SLC25A13: variants seen among roughly 807,000 people sequenced by gnomAD.
The protein encoded by SLC25A13 is solute carrier family 25 member 13.
Under a neutral mutation model 85.5 loss-of-function variants are expected in SLC25A13, and 70 were observed. That is an observed-to-expected ratio of 0.82 (90% CI 0.68 to 1.00). SLC25A13 has a LOEUF of 1.00. Among genes scored for constraint, SLC25A13 ranks in the 50% least tolerant of loss-of-function variants. The pLI is 0.00. For synonymous variants in SLC25A13, 259 were observed against 288.7 expected, an observed-to-expected ratio of 0.90 and a Z score of 1.04; for missense variants, 765 against 819.8, an observed-to-expected ratio of 0.93 and a Z score of 0.82.
chr7:96,157,455 G>A lies in SLC25A13; in HGVS notation c.1312-10759C>T, dbSNP rs577653270. ...TGCCATGTTACATAATGACTTCATT[G>A]TTGACACTTCTGGTTTGGCACAGGG... On this transcript the variant is annotated intron_variant, in intron 13 of 17. Transcript: ENST00000265631. Among the ~76,000 whole-genome samples the A allele has an allele frequency of 3.3e-5, 5 of 152,218 alleles. No homozygotes were observed. The South Asian group carries it at 1.0e-3, about 32-fold the overall frequency.
intron 13 of SLC25A13, among the ~76,000 whole-genome samples, chr7:96,148,462 G>A (rs540426798): frequency 2.1e-4 from 32 of 152,270 alleles, no homozygotes; most frequent in African/African-American, 6.7e-4. Flanking sequence ...AGCTATTTAC[G>A]GTTGGCAGAA....
intron 3 of SLC25A13, among the ~76,000 whole-genome samples, chr7:96,252,024 AT>A (rs564318365): frequency 4.6e-5 from 7 of 152,050 alleles, no homozygotes; most frequent in East Asian, 3.8e-4. Context: ...ACGTCTTTAT[AT>A]TTTTTTTCTA....
intron 9 of SLC25A13, among the ~76,000 whole-genome samples, chr7:96,188,515 T>C (rs1035489859): frequency 1.3e-5 from 2 of 152,352 alleles, no homozygotes; most frequent in South Asian, 2.1e-4. Context: ...GATTCAGAGA[T>C]GGCTCTGCCT....
At position 96,311,324 on chromosome 7, in the gene SLC25A13, G is replaced by A. The variant is rs570334532; in HGVS notation, c.15+10618C>T. Among the ~76,000 whole-genome samples, 3 of 152,302 alleles carry A rather than the reference G, an allele frequency of 2.0e-5. No individual in the cohort carries two copies. The South Asian group carries it at 6.2e-4, about 32-fold the overall frequency. On this transcript the variant is annotated intron_variant, in intron 1 of 17. Coordinates refer to ENST00000265631, the MANE Select transcript of SLC25A13 (RefSeq NM_014251.3). ...TACCCAGTACCAAGTACCCAGCAAT[G>A]TGATGGGAAGCTCTAAGCACCATCT... is the stretch of plus-strand genomic sequence containing the variant.
chr7:96,194,442 CAAAAAAAAAA>C lies in SLC25A13; in HGVS notation c.469-1269_469-1260del, dbSNP rs546248549. On this transcript the variant is annotated intron_variant, in intron 5 of 17. Transcript: ENST00000265631. ...TGGGTGACAGAGTGAAACCTTGTCT[CAAAAAAAAAA>C]AAAAAAAAAAAAAAAGGAACACCAA... Among the ~76,000 whole-genome samples, 24 of 27,694 alleles carry C rather than the reference CAAAAAAAAAA, an allele frequency of 8.7e-4. 1 individual carries two copies. The highest frequency in any genetic ancestry group is 4.5e-3 in the South Asian group (1 of 224). The allele number at this position is 27,694 out of a possible 152,430, so 18.2% of individuals were successfully genotyped here.
At chr7:96,304,129 TAC>T (rs1799653035) in intron 1 of SLC25A13, among the ~76,000 whole-genome samples, 1 of 152,192 alleles carries the variant, frequency 6.6e-6, no homozygotes, top group African/African-American at 2.4e-5. Flanking sequence ...TCCTTCATCC[TAC>T]AGTTTCCCTA....
rs1048711875 is a variant in SLC25A13 at position 96,144,373 on chromosome 7, A to C, written c.1452+2183T>G. Among the ~76,000 whole-genome samples the C allele has an allele frequency of 3.9e-5, 6 of 152,318 alleles. No homozygotes were observed. In the East Asian group the frequency reaches 1.2e-3, roughly 29 times the overall value. ...AATGTAGCTGATACTGATGACCAAC[A>C]GGAAGATAGAGATTACTAGGTCACT... On this transcript the variant is annotated intron_variant, in intron 14 of 17. Transcript: ENST00000265631.
chr7:96,232,898 C>G (rs1318451821), intron 4 of SLC25A13, among the ~76,000 whole-genome samples: 1 of 152,208 alleles, frequency 6.6e-6, no homozygotes, highest in Non-Finnish European at 1.5e-5. Context: ...ACTATGCCTT[C>G]TACAATTCAA....
chr7:96,269,710 T>C (rs1322935075), intron 3 of SLC25A13, among the ~76,000 whole-genome samples: 4 of 152,110 alleles, frequency 2.6e-5, no homozygotes, highest in Admixed American at 2.6e-4. Context: ...TGCAATCAAC[T>C]CAAGTGCCCA....
intron 3 of SLC25A13, among the ~76,000 whole-genome samples, chr7:96,236,439 T>C (rs932038578): frequency 1.6e-4 from 24 of 151,866 alleles, no homozygotes; most frequent in Non-Finnish European, 2.9e-5. Flanking sequence ...CACTAGAAAT[T>C]AAGAGTTAAC....
At chr7:96,291,405 A>G (rs1193769487) in intron 2 of SLC25A13, among the ~76,000 whole-genome samples, 1 of 152,216 alleles carries the variant, frequency 6.6e-6, no homozygotes, top group Admixed American at 6.5e-5. Flanking sequence ...AAAAGCTAGC[A>G]GAAGGCAAGA....
intron 1 of SLC25A13, among the ~76,000 whole-genome samples, chr7:96,308,710 A>G (rs1799849711): frequency 6.6e-6 from 1 of 152,222 alleles, no homozygotes; most frequent in Non-Finnish European, 1.5e-5. Flanking sequence ...AAAGAAAAAA[A>G]TGATAAATAT....
chr7:96,136,249 T>G lies in SLC25A13; in HGVS notation c.1453-4368A>C, dbSNP rs544094428. ...GCCTCACTTAACTTCAAATTAATAG[T>G]CCACAATTGACACAGGCCAATTAGA... On this transcript the variant is annotated intron_variant, in intron 14 of 17. Transcript: ENST00000265631. 4.6e-5 allele frequency among the ~76,000 whole-genome samples: 7 copies of G among 152,284 alleles called. No homozygotes were observed. The South Asian group carries it at 1.4e-3, about 32-fold the overall frequency.
At chr7:96,138,917 C>T (rs1460432150) in intron 14 of SLC25A13, among the ~76,000 whole-genome samples, 2 of 152,070 alleles carry the variant, frequency 1.3e-5, no homozygotes, top group Non-Finnish European at 2.9e-5. Context: ...ATTTGCTATT[C>T]TAAAGTTCAA....
intron 13 of SLC25A13, among the ~76,000 whole-genome samples, chr7:96,152,200 C>G (rs978647075): frequency 3.9e-5 from 6 of 152,100 alleles, no homozygotes; most frequent in African/African-American, 1.4e-4. Flanking sequence ...CATGGAAGGT[C>G]CAGGATGCTG....
chr7:96,208,995 A>G lies in SLC25A13; in HGVS notation c.329-18T>C. On this transcript the variant is annotated intron_variant, in intron 4 of 17. Coordinates refer to ENST00000265631, the MANE Select transcript of SLC25A13 (RefSeq NM_014251.3). ...AACATCCTCTGAAAAGAGAAAAGAC[A>G]GGTTGATTAAAACAAAGTAAATGAA... 1 of 1,613,386 alleles carries G rather than the reference A, an allele frequency of 6.2e-7. No individual in the cohort carries two copies. The highest frequency in any genetic ancestry group is 8.5e-7 in the Non-Finnish European group (1 of 1,179,524).
At chr7:96,122,929 CTTTT>C (rs1051800716) in intron 15 of SLC25A13, among the ~76,000 whole-genome samples, 1 of 152,128 alleles carries the variant, frequency 6.6e-6, no homozygotes, top group Admixed American at 6.6e-5. Context: ...ATCTCCTTTG[CTTTT>C]TTTAAGGCTT....
chr7:96,254,056 C>G (rs1355383704), intron 3 of SLC25A13, among the ~76,000 whole-genome samples: 2 of 152,038 alleles, frequency 1.3e-5, no homozygotes, highest in Non-Finnish European at 2.9e-5. Context: ...TGTCTGTCTT[C>G]CCTGGAGACA....
chr7:96,221,180 C>T (rs892949045), intron 4 of SLC25A13, among the ~76,000 whole-genome samples: 5 of 151,964 alleles, frequency 3.3e-5, no homozygotes, highest in Admixed American at 1.3e-4. Context: ...GATTTTTGAC[C>T]CAATGAACTG....
Sources: allele counts gnomAD v4.1 joint callset (sites outside exome capture counted in the v4.1 genomes callset), GRCh38; gene constraint gnomAD v4.1.1; transcripts MANE v1.5; gene names NCBI Gene and HGNC (gene_info 2026-07-23, HGNC 2026-07-21).